The following CATSPERD variants were observed in gnomAD, a reference collection of about 807,000 sequenced individuals.
The protein encoded by CATSPERD is cation channel sperm-associated auxiliary subunit delta.
A neutral mutation model predicts 98.1 loss-of-function variants in CATSPERD; 86 were observed. That is an observed-to-expected ratio of 0.88 (90% confidence interval 0.74 to 1.05). The LOEUF (loss-of-function observed/expected upper bound fraction) is 1.05. CATSPERD is among the 50% of genes least tolerant of loss of function. CATSPERD has a pLI of 0.00. For missense variants in CATSPERD, 995 were observed against 1,005.7 expected, an observed-to-expected ratio of 0.99 and a Z score of 0.14; for synonymous variants, 394 against 390.2, an observed-to-expected ratio of 1.01 and a Z score of -0.12.
Position 5,754,717 on chromosome 19 carries a change from C to A in CATSPERD, c.1278+472C>A, listed in dbSNP as rs1435877426. On this transcript the variant is annotated intron_variant, in intron 13 of 21. Transcript: ENST00000381624. ...CCAGCCATTTCTATGTGTCTTCCCC[C>A]TCGACGTGCCTCTGCATGTCTGGGC... Among the ~76,000 whole-genome samples, 3 of 151,858 alleles carry A rather than the reference C, an allele frequency of 2.0e-5. No individual in the cohort carries two copies. In the Middle Eastern group the frequency reaches 0.01, roughly 520 times the overall value.
chr19:5,756,916 C>T (rs1369904471), intron 13 of CATSPERD, among the ~76,000 whole-genome samples: 2 of 151,498 alleles, frequency 1.3e-5, no homozygotes, highest in South Asian at 2.1e-4. Flanking sequence ...GCACTGCAGC[C>T]TGGGTGACAG....
rs1026129797 is a variant in CATSPERD at position 5,754,349 on chromosome 19, G to A, written c.1278+104G>A. 1.4e-4 allele frequency: 98 copies of A among 678,542 alleles called. 1 individual carries two copies. The highest frequency in any genetic ancestry group is 1.3e-3 in the Middle Eastern group (3 of 2,334). The allele number at this position is 678,542 out of a possible 1,614,324, so 42.0% of individuals were successfully genotyped here. On this transcript the variant is annotated intron_variant, in intron 13 of 21. Coordinates refer to ENST00000381624, the MANE Select transcript of CATSPERD (RefSeq NM_152784.4). ...CCTGGCATCCCCCACAAGGAGAGAC[G>A]CTACTCGCACACTCACAATTCTGCA... is the stretch of plus-strand genomic sequence containing the variant.
intron 8 of CATSPERD, among the ~76,000 whole-genome samples, chr19:5,745,231 G>A (rs1236485560): frequency 1.3e-5 from 2 of 152,006 alleles, no homozygotes; most frequent in Non-Finnish European, 2.9e-5. Flanking sequence ...GATTACAGGT[G>A]TGAGCCACTG....
intron 10 of CATSPERD, 58 bp from the exon 11 acceptor site, chr19:5,749,043 T>C: frequency 6.8e-7 from 1 of 1,464,898 alleles, no homozygotes; most frequent in East Asian, 2.3e-5. Flanking sequence ...CTTATGTTTT[T>C]GTCCACAGAA....
intron 1 of CATSPERD, among the ~76,000 whole-genome samples, chr19:5,721,109 C>T (rs2055458808): frequency 6.6e-6 from 1 of 151,420 alleles, no homozygotes; most frequent in South Asian, 2.1e-4. Context: ...CGCCATTCTC[C>T]TGCCTCAGCC....
chr19:5,763,574 G>A (rs1352690141), intron 16 of CATSPERD, among the ~76,000 whole-genome samples: 4 of 152,252 alleles, frequency 2.6e-5, no homozygotes, highest in East Asian at 3.9e-4. Flanking sequence ...GTGTGATTCC[G>A]CTCTTAGGAG....
At chr19:5,774,586 G>A (rs1599602337) in intron 20 of CATSPERD, among the ~76,000 whole-genome samples, 2 of 152,086 alleles carry the variant, frequency 1.3e-5, no homozygotes, top group Non-Finnish European at 1.5e-5. Flanking sequence ...TTACTGGGGA[G>A]CTTGAGGCAA....
intron 1 of CATSPERD, among the ~76,000 whole-genome samples, chr19:5,722,833 G>C (rs201390998): frequency 2.0e-5 from 3 of 151,776 alleles, no homozygotes; most frequent in Non-Finnish European, 4.4e-5. Context: ...CCCTTAAGGA[G>C]CCCCGAATAC....
intron 14 of CATSPERD, 82 bp downstream of exon 14, chr19:5,758,014 TA>T (rs1236112073): frequency 7.9e-7 from 1 of 1,260,566 alleles, no homozygotes; most frequent in Non-Finnish European, 1.1e-6. Context: ...CATAAAAATT[TA>T]GGAGTTTCCA....
At chr19:5,726,133 C>T (rs1445860151) in intron 2 of CATSPERD, among the ~76,000 whole-genome samples, 3 of 150,634 alleles carry the variant, frequency 2.0e-5, no homozygotes, top group Non-Finnish European at 2.9e-5. Flanking sequence ...ACAATCTTGG[C>T]TCACTGCAAC....
chr19:5,744,308 T>G, intron 7 of CATSPERD, 119 bp from the exon 8 acceptor site: 1 of 855,942 alleles, frequency 1.2e-6, no homozygotes, highest in Non-Finnish European at 1.9e-6. Flanking sequence ...GAGGGCATTA[T>G]TTGTTTTTCT....
At chr19:5,762,471 CCT>C (rs1236518756) in intron 15 of CATSPERD, among the ~76,000 whole-genome samples, 2 of 152,212 alleles carry the variant, frequency 1.3e-5, no homozygotes, top group East Asian at 1.9e-4. Flanking sequence ...AGGTCCCTCC[CCT>C]GACATGTGAG....
At chr19:5,753,977 C>T (rs1406193413) in intron 12 of CATSPERD, among the ~76,000 whole-genome samples, 155 bp from the exon 13 acceptor site, 1 of 152,056 alleles carries the variant, frequency 6.6e-6, no homozygotes, top group South Asian at 2.1e-4. Flanking sequence ...ATCTCGAGAC[C>T]CTTCTGGAAA....
intron 9 of CATSPERD, among the ~76,000 whole-genome samples, chr19:5,746,325 T>C (rs1176124471): frequency 2.0e-5 from 3 of 152,164 alleles, no homozygotes; most frequent in Non-Finnish European, 1.5e-5. Flanking sequence ...GTCTCCGTCA[T>C]GGAGGTTTAT....
At chr19:5,758,117 G>A (rs754248876) in intron 14 of CATSPERD, among the ~76,000 whole-genome samples, 185 bp downstream of exon 14, 4 of 152,136 alleles carry the variant, frequency 2.6e-5, no homozygotes, top group Admixed American at 6.6e-5. Flanking sequence ...TCACACGGGA[G>A]AGACCCGGAT....
At chr19:5,732,058 C>T (rs1396212931) in intron 4 of CATSPERD, among the ~76,000 whole-genome samples, 1 of 151,976 alleles carries the variant, frequency 6.6e-6, no homozygotes, top group African/African-American at 2.4e-5. Context: ...GCAACCTCCA[C>T]CTCCTGGGTT....
chr19:5,728,687 ATCTC>A (rs535538690), intron 3 of CATSPERD, among the ~76,000 whole-genome samples: 13 of 147,256 alleles, frequency 8.8e-5, no homozygotes, highest in Admixed American at 7.5e-4. Flanking sequence ...AGCAAGACCC[ATCTC>A]TCTCTCTCTC....
rs369350856 is a variant in CATSPERD, at chr19:5,778,634, G to A, written c.2355G>A (p.Pro785=). The part of the protein sequence containing the change: ...SATARAGTEP[P]GRHRTPHGGR... The stretch of plus-strand genomic sequence containing the variant: ...CAGCCAGGGCAGGCACAGAGCCCCC[G>A]GGACGCCACCGCACTCCTCACGGAG... Residue 785 remains proline (P), a synonymous_variant, in exon 22 of 22, where the codon CCG becomes CCA. Transcript: ENST00000381624. 7.4e-4 allele frequency: 1,188 copies of A among 1,613,560 alleles called. 1 individual carries two copies. Among genetic ancestry groups the A allele is most frequent in the Middle Eastern group, 4.5e-3 (27 of 6,060 alleles).
At chr19:5,727,114 G>T (rs2145681002) in intron 2 of CATSPERD, among the ~76,000 whole-genome samples, 154 bp from the exon 3 acceptor site, 1 of 152,242 alleles carries the variant, frequency 6.6e-6, no homozygotes, top group South Asian at 2.1e-4. Flanking sequence ...AGAATGGTGT[G>T]AACCTGGGAG....
Sources: gnomAD v4.1 joint callset for allele counts (sites outside exome capture counted in the v4.1 genomes callset) on GRCh38, gnomAD v4.1.1 for gene constraint, MANE v1.5 for transcripts, NCBI Gene and HGNC (gene_info 2026-07-23, HGNC 2026-07-21) for gene names.